MYADM: variants seen among roughly 807,000 people sequenced by gnomAD.
The protein encoded by MYADM is myeloid associated differentiation marker, also known as myeloid-associated differentiation marker.
For missense variants in MYADM, 416 were observed against 443.4 expected (o/e 0.94, Z 0.56); for synonymous variants, 224 against 210.2 (o/e 1.07, Z -0.57).
intron 2 of MYADM, among the ~76,000 whole-genome samples, chr19:53,872,190 C>T (rs965657198): frequency 6.6e-6 from 1 of 151,732 alleles, no homozygotes. Context: ...TGAGCCACTG[C>T]GCCCAGATTA....
Position 53,874,105 on chromosome 19 carries a change from C to G in MYADM, c.576C>G (p.Ser192Arg). ...CCTGCATCATCTTCGCGTTCATCAG[C>G]GACCCCAACCTGTACCAGCACCAGC... ...FVACIIFAFISDPNLYQHQPA... is the reference protein window; with the variant it reads ...FVACIIFAFIRDPNLYQHQPA... Residue 192 changes from serine (S) to arginine (R), a missense_variant, in exon 3 of 3, where the codon AGC becomes AGG. Transcript: ENST00000391770. 2 of 1,612,684 alleles carry G rather than the reference C, an allele frequency of 1.2e-6. No individual in the cohort carries two copies. The highest frequency in any genetic ancestry group is 1.7e-6 in the Non-Finnish European group (2 of 1,180,032).
In MYADM at chr19:53,873,751, C is replaced by T; in HGVS notation, c.222C>T (p.Phe74=). 3 of 1,614,050 alleles carry T rather than the reference C, an allele frequency of 1.9e-6. No homozygotes were observed. The highest frequency in any genetic ancestry group is 2.2e-5 in the East Asian group (1 of 44,862). Residue 74 remains phenylalanine (F), a synonymous_variant, in exon 3 of 3, where the codon TTC becomes TTT. Transcript: ENST00000391770. The surrounding 1 kb of genome is among the most constrained non-coding windows in gnomAD (Gnocchi z 4.3). The part of the protein sequence containing the change: ...MGNWSMFTWC[F]CFSVTLIILI... ...ACTGGTCCATGTTCACCTGGTGCTT[C>T]TGCTTCTCCGTGACCCTGATCATCC...
At position 53,874,370 on chromosome 19, in the gene MYADM, C is replaced by G; in HGVS notation, c.841C>G (p.Arg281Gly). ...PRRSRDVSCS[R>G]SHAYYVCAWD... Reference sequence around the variant, plus strand: ...GCGCTCGAGAGATGTAAGCTGCAGCCGCAGCCATGCCTACTACGTGTGTGC... The same window carrying G: ...GCGCTCGAGAGATGTAAGCTGCAGCGGCAGCCATGCCTACTACGTGTGTGC... The change falls in exon 3 of 3, where the codon CGC becomes GGC. Residue 281 changes from arginine (R) to glycine (G), a missense_variant. By Grantham distance (125) the Arg-to-Gly change is moderately radical (BLOSUM62 -2). Transcript: ENST00000391770. The G allele has an allele frequency of 6.2e-7, 1 of 1,614,162 alleles. No homozygotes were observed. The highest frequency in any genetic ancestry group is 1.3e-5 in the African/African-American group (1 of 75,066).
chr19:53,871,156 G>C (rs949110659), intron 2 of MYADM, among the ~76,000 whole-genome samples: 1 of 152,162 alleles, frequency 6.6e-6, no homozygotes, highest in Admixed American at 6.5e-5. Flanking sequence ...GCTTGAATCC[G>C]GGAGGCGGAG....
In MYADM at chr19:53,874,197, T is replaced by C. The variant is rs773999438; in HGVS notation, c.668T>C (p.Leu223Pro). ...CFILAAIAIL[L>P]NLGECTNVLP... Reference sequence around the variant, plus strand: ...ATCCTAGCGGCCATCGCCATCCTGCTGAACCTGGGGGAGTGCACCAACGTG... The same window carrying C: ...ATCCTAGCGGCCATCGCCATCCTGCCGAACCTGGGGGAGTGCACCAACGTG... Residue 223 changes from leucine (L) to proline (P), a missense_variant, in exon 3 of 3, where the codon CTG (leucine) becomes CCG (proline). Transcript: ENST00000391770. 4 of 1,613,828 alleles carry C rather than the reference T, an allele frequency of 2.5e-6. No individual in the cohort carries two copies. The East Asian group carries it at 8.9e-5, about 36-fold the overall frequency.
In MYADM at chr19:53,875,324, A is replaced by G. The variant is rs1245223864; in HGVS notation, c.*826A>G. 1 of 157,588 alleles carries G rather than the reference A, an allele frequency of 6.3e-6. No homozygotes were observed. The highest frequency in any genetic ancestry group is 1.5e-5 in the Non-Finnish European group (1 of 67,136). The allele number at this position is 157,588 out of a possible 1,614,324, so 9.8% of individuals were successfully genotyped here. On this transcript the variant is annotated 3_prime_UTR_variant, in exon 3 of 3. Coordinates refer to ENST00000391770, the MANE Select transcript of MYADM (RefSeq NM_138373.5). Reference sequence around the variant, plus strand: ...GTACTTCCCCTTTAAATTAAAAAACATATATATATATATATTTGGAGGTCA... The same window carrying G: ...GTACTTCCCCTTTAAATTAAAAAACGTATATATATATATATTTGGAGGTCA...
rs780132482 is a variant in MYADM, at chr19:53,874,147, C to G, written c.618C>G (p.Cys206Trp). The part of the protein sequence containing the change: ...LYQHQPALEW[C>W]VAVYAICFIL... ...AGCACCAGCCGGCCCTGGAGTGGTG[C>G]GTGGCGGTGTACGCCATCTGCTTCA... The change falls in exon 3 of 3, where the codon TGC (cysteine) becomes TGG (tryptophan). Residue 206 changes from cysteine (C) to tryptophan (W), a missense_variant. Transcript: ENST00000391770. 6.2e-7 allele frequency: 1 copy of G among 1,613,530 alleles called. No individual in the cohort carries two copies. The highest frequency in any genetic ancestry group is 8.5e-7 in the Non-Finnish European group (1 of 1,180,048).
At chr19:53,869,914 A>G (rs1599912673) in intron 2 of MYADM, 76 bp downstream of exon 2, 2 of 68,944 alleles carry the variant, frequency 2.9e-5, no homozygotes, top group Admixed American at 1.7e-4. Context: ...GGTCCGAGGG[A>G]GGAGGGGCTG....
intron 1 of MYADM, chr19:53,869,294 C>T (rs1373534261): frequency 3.9e-5 from 6 of 152,532 alleles, no homozygotes; most frequent in Non-Finnish European, 8.8e-5. Flanking sequence ...GCCTCCAACC[C>T]TGAGAGTCGG....
chr19:53,873,474 C>G lies in MYADM; in HGVS notation c.-2-54C>G. The G allele has an allele frequency of 6.6e-7, 1 of 1,524,908 alleles. No individual in the cohort carries two copies. The highest frequency in any genetic ancestry group is 8.8e-7 in the Non-Finnish European group (1 of 1,136,102). The allele number at this position is 1,524,908 out of a possible 1,614,324, so 94.5% of individuals were successfully genotyped here. A position where few individuals can be genotyped will look rare whatever the true frequency, so the allele number is the denominator to read the frequency against. ...CTGGGGTAGGCAATGGCTAAGGGAC[C>G]TGGATTCTTATGTTTGTGACTGTAT... is the stretch of plus-strand genomic sequence containing the variant. On this transcript the variant is annotated intron_variant, in intron 2 of 2. Coordinates refer to ENST00000391770, the MANE Select transcript of MYADM (RefSeq NM_138373.5). The surrounding 1 kb of genome is among the most constrained non-coding windows in gnomAD (Gnocchi z 4.3).
At position 53,875,199 on chromosome 19, in the gene MYADM, CGTGTGTGTGTGT is replaced by C. The variant is rs3835132; in HGVS notation, c.*722_*733del. ...CTCGCTGTGCCTTAGTCAGTGTGTA[CGTGTGTGTGTGT>C]GTGTGTGTGTGTGTGTGTGTTTGGG... is the stretch of plus-strand genomic sequence containing the variant. On this transcript the variant is annotated 3_prime_UTR_variant, in exon 3 of 3. Transcript: ENST00000391770. 0.046 allele frequency: 6,342 copies of C among 137,280 alleles called. 391 individuals are homozygous for C. Among genetic ancestry groups the C allele is most frequent in the East Asian group, 0.29 (1,197 of 4,198 alleles). 8.5% of individuals were successfully genotyped at this position (137,280 alleles called of 1,614,324 possible).
At position 53,875,477 on chromosome 19, in the gene MYADM, G is replaced by A. The variant is rs1199699202; in HGVS notation, c.*979G>A. The A allele has an allele frequency of 6.0e-6, 1 of 166,018 alleles. No individual in the cohort carries two copies. The highest frequency in any genetic ancestry group is 1.5e-5 in the Non-Finnish European group (1 of 67,998). 10.3% of individuals were successfully genotyped at this position (166,018 alleles called of 1,614,324 possible). Reference sequence around the variant, plus strand: ...CTTACAGAACACCCACTGCCTAGAGGCCATCTTAAAGGAAGCAGGGGCTGG... The same window carrying A: ...CTTACAGAACACCCACTGCCTAGAGACCATCTTAAAGGAAGCAGGGGCTGG... On this transcript the variant is annotated 3_prime_UTR_variant, in exon 3 of 3. Coordinates refer to ENST00000391770, the MANE Select transcript of MYADM (RefSeq NM_138373.5).
At chr19:53,869,463 T>A (rs1347071681) in intron 1 of MYADM, 1 of 152,620 alleles carries the variant, frequency 6.6e-6, no homozygotes, top group African/African-American at 2.4e-5. Context: ...GCCGCCCGCC[T>A]CCACAGCCGC....
Position 53,874,234 on chromosome 19 carries a change from CT to C in MYADM, c.707del (p.Phe236SerfsTer42). ...AGTGCACCAACGTGCTACCCATCCCCTTCCCCAGCTTCCTGTCGGGGCTGGC... is the reference window on the plus strand; with the variant it reads ...AGTGCACCAACGTGCTACCCATCCCCTCCCCAGCTTCCTGTCGGGGCTGGC... Reference protein sequence around the residue: ...GECTNVLPIPFPSFLSGLALL... With the variant: ...GECTNVLPIPXPSFLSGLALL... On this transcript the variant is annotated frameshift_variant, in exon 3 of 3. Coordinates refer to ENST00000391770, the MANE Select transcript of MYADM (RefSeq NM_138373.5). LOFTEE classifies it low-confidence loss of function (END_TRUNC). 1 of 1,610,970 alleles carries C rather than the reference CT, an allele frequency of 6.2e-7. No individual in the cohort carries two copies. The highest frequency in any genetic ancestry group is 1.1e-5 in the South Asian group (1 of 90,816).
At chr19:53,866,743 G>A (rs1268663694), upstream of MYADM, among the ~76,000 whole-genome samples, 1 of 151,648 alleles carries the variant, frequency 6.6e-6, no homozygotes, top group Non-Finnish European at 1.5e-5. This position sits in a 1 kb window ranked among gnomAD's most constrained non-coding sequence, Gnocchi z 4.3. Context: ...CAAAAATATC[G>A]CTGCCTTCCA....
chr19:53,870,807 GC>G (rs1416155813), intron 2 of MYADM, among the ~76,000 whole-genome samples: 2 of 152,212 alleles, frequency 1.3e-5, no homozygotes, highest in Non-Finnish European at 2.9e-5. Flanking sequence ...ATTCCTGGGG[GC>G]CATTAGGACA....
chr19:53,868,171 C>T lies in MYADM; in HGVS notation c.-88+228C>T, dbSNP rs1036580011. Among the ~76,000 whole-genome samples, 3 of 149,744 alleles carry T rather than the reference C, an allele frequency of 2.0e-5. No individual in the cohort carries two copies. Among genetic ancestry groups the T allele is most frequent in the Non-Finnish European group, 3.0e-5 (2 of 67,540 alleles). ...ACTCCGGGGTCTGAGGGAGGAGGGGCTGGGGGTCTGGACTCCCGGGTCCGA... is the reference window on the plus strand; with the variant it reads ...ACTCCGGGGTCTGAGGGAGGAGGGGTTGGGGGTCTGGACTCCCGGGTCCGA... On this transcript the variant is annotated intron_variant, in intron 1 of 2. Transcript: ENST00000391770. The surrounding 1 kb of genome is among the most constrained non-coding windows in gnomAD (Gnocchi z 6.3).
chr19:53,866,566 A>AG (rs1246921629), upstream of MYADM: 1 of 152,178 alleles, frequency 6.6e-6, no homozygotes, highest in Admixed American at 6.5e-5. This position sits in a 1 kb window ranked among gnomAD's most constrained non-coding sequence, Gnocchi z 4.3. Context: ...CCTTTTAAAA[A>AG]CACACCCTGC....
At chr19:53,867,361 A>G (rs985498469), upstream of MYADM, among the ~76,000 whole-genome samples, 7 of 151,814 alleles carry the variant, frequency 4.6e-5, no homozygotes, top group East Asian at 1.9e-4. Context: ...TGGTCCCCCA[A>G]TCCGCTGCGA....
Sources: gnomAD v4.1 joint callset for allele counts (sites outside exome capture counted in the v4.1 genomes callset) on GRCh38, gnomAD v4.1.1 for gene constraint, Gnocchi (gnomAD v3.1) non-coding constraint, MANE v1.5 for transcripts, NCBI Gene and HGNC (gene_info 2026-07-23, HGNC 2026-07-21) for gene names.